The following RBFOX1 variants were observed in gnomAD, a reference collection of about 807,000 sequenced individuals.
The protein encoded by RBFOX1 is RNA binding protein fox-1 homolog 1.
In RBFOX1, 8 loss-of-function variants were observed where a neutral mutation model predicts 57.7. That is an observed-to-expected ratio of 0.14 (90% CI 0.08 to 0.25). The LOEUF (loss-of-function observed/expected upper bound fraction) is 0.25. Among genes scored for constraint, RBFOX1 ranks in the 10% least tolerant of loss-of-function variants. RBFOX1 has a pLI of 1.00. For missense variants in RBFOX1, 611 were observed against 548.5 expected, an observed-to-expected ratio of 1.11 and a Z score of -1.14; for synonymous variants, 326 against 222.4, an observed-to-expected ratio of 1.47 and a Z score of -4.15.
intron 2 of RBFOX1, among the ~76,000 whole-genome samples, chr16:6,431,535 C>T (rs1037670782): frequency 3.8e-4 from 57 of 151,944 alleles, no homozygotes; most frequent in African/African-American, 1.3e-3. Flanking sequence ...GAGAAATCTA[C>T]AAGCAGATAA....
chr16:5,785,622 G>T (rs1466162915), intron 3 of RBFOX1, among the ~76,000 whole-genome samples: 2 of 151,944 alleles, frequency 1.3e-5, no homozygotes, highest in African/African-American at 4.8e-5. Flanking sequence ...CTGCCTCCTG[G>T]GTTCAAGTGA....
intron 4 of RBFOX1, among the ~76,000 whole-genome samples, chr16:7,457,876 C>T (rs185091253): frequency 3.9e-5 from 6 of 152,216 alleles, no homozygotes; most frequent in Admixed American, 3.9e-4. Flanking sequence ...TCATCACCCC[C>T]TCCCCAATAC....
chr16:7,018,267 C>G (rs540267617), intron 3 of RBFOX1, among the ~76,000 whole-genome samples: 4 of 152,112 alleles, frequency 2.6e-5, no homozygotes, highest in Admixed American at 2.0e-4. Flanking sequence ...CCAGCTTCTC[C>G]TTATGCAAGG....
chr16:5,348,711 G>T (rs2065196832), intron 1 of RBFOX1, among the ~76,000 whole-genome samples: 2 of 152,120 alleles, frequency 1.3e-5, no homozygotes, highest in African/African-American at 4.8e-5. Context: ...TCTGAATGTT[G>T]GTTAATAATG....
intron 3 of RBFOX1, among the ~76,000 whole-genome samples, chr16:6,872,263 C>T (rs1462255820): frequency 6.6e-6 from 1 of 152,148 alleles, no homozygotes; most frequent in Non-Finnish European, 1.5e-5. Context: ...ATGAATAAAA[C>T]ACATCTATCC....
At chr16:6,695,585 T>C (rs988610707) in intron 3 of RBFOX1, among the ~76,000 whole-genome samples, 1 of 151,796 alleles carries the variant, frequency 6.6e-6, no homozygotes, top group South Asian at 2.1e-4. Flanking sequence ...AGATATAGAA[T>C]GATGAGCACT....
intron 2 of RBFOX1, among the ~76,000 whole-genome samples, chr16:6,344,398 C>CTTTTTATTCTT (rs2085011614): frequency 1.4e-5 from 1 of 71,960 alleles, no homozygotes; most frequent in African/African-American, 1.1e-4. Context: ...CTTCTTTTTT[C>CTTTTTATTCTT]TTTTTTTTCT....
chr16:6,110,031 A>G (rs1020282509), intron 1 of RBFOX1, among the ~76,000 whole-genome samples: 1 of 152,130 alleles, frequency 6.6e-6, no homozygotes, highest in Non-Finnish European at 1.5e-5. Context: ...AATACCACAC[A>G]TGGAATAAAT....
intron 1 of RBFOX1, among the ~76,000 whole-genome samples, chr16:5,281,609 A>T (rs1186824232): frequency 6.6e-6 from 1 of 152,050 alleles, no homozygotes; most frequent in Admixed American, 6.5e-5. Flanking sequence ...GTATGCTCTT[A>T]TGTTGGTTGC....
intron 3 of RBFOX1, among the ~76,000 whole-genome samples, chr16:5,792,021 G>A (rs2054718340): frequency 6.6e-6 from 1 of 152,116 alleles, no homozygotes; most frequent in Non-Finnish European, 1.5e-5. Context: ...GCTCTCCCCC[G>A]CAACCCAGGC....
chr16:7,352,344 C>G (rs75166482), intron 4 of RBFOX1, among the ~76,000 whole-genome samples: 5,144 of 152,218 alleles, frequency 0.034, 203 homozygotes, highest in African/African-American at 0.091. Flanking sequence ...ATGACCAAGT[C>G]GGAGAGAACT....
At chr16:5,617,924 G>T in intron 3 of RBFOX1, among the ~76,000 whole-genome samples, 1 of 152,178 alleles carries the variant, frequency 6.6e-6, no homozygotes, top group Non-Finnish European at 1.5e-5. Flanking sequence ...TACTAGGAGG[G>T]TATTGTTCAA....
chr16:5,330,283 T>C (rs531135795), intron 1 of RBFOX1, among the ~76,000 whole-genome samples: 1 of 152,200 alleles, frequency 6.6e-6, no homozygotes, highest in African/African-American at 2.4e-5. Context: ...CTCCTTCTTT[T>C]AACTGCTATG....
chr16:6,791,685 G>A (rs1158484314), intron 3 of RBFOX1, among the ~76,000 whole-genome samples: 2 of 152,094 alleles, frequency 1.3e-5, no homozygotes, highest in Non-Finnish European at 1.5e-5. Context: ...CTTGAACCTG[G>A]GAGGCAGAGG....
At chr16:5,424,162 T>C (rs1464087070) in intron 1 of RBFOX1, among the ~76,000 whole-genome samples, 3 of 152,160 alleles carry the variant, frequency 2.0e-5, no homozygotes, top group Non-Finnish European at 4.4e-5. Context: ...AGCTGGAGAG[T>C]GTGCACTCTC....
At chr16:6,229,377 A>T (rs559381994) in intron 1 of RBFOX1, among the ~76,000 whole-genome samples, 1 of 152,192 alleles carries the variant, frequency 6.6e-6, no homozygotes, top group Admixed American at 6.5e-5. Context: ...TAGGCTCACA[A>T]GGACTCTTGT....
At chr16:5,779,506 G>A (rs1021192884) in intron 3 of RBFOX1, among the ~76,000 whole-genome samples, 5 of 152,138 alleles carry the variant, frequency 3.3e-5, no homozygotes, top group Admixed American at 3.3e-4. Context: ...TGGGGCCCAA[G>A]CTCTGTTTTA....
At chr16:5,488,516 T>C (rs1459563664) in intron 2 of RBFOX1, among the ~76,000 whole-genome samples, 10 of 145,404 alleles carry the variant, frequency 6.9e-5, no homozygotes, top group East Asian at 4.2e-4. Flanking sequence ...ATGATGGTGA[T>C]GATTGAAGAT....
intron 4 of RBFOX1, among the ~76,000 whole-genome samples, chr16:7,146,730 C>G (rs114727767): frequency 6.6e-6 from 1 of 151,810 alleles, no homozygotes; most frequent in Non-Finnish European, 1.5e-5. Context: ...AGACAGATCA[C>G]TTGAGCCCAG....
Sources: gnomAD v4.1 joint callset for allele counts (sites outside exome capture counted in the v4.1 genomes callset) on GRCh38, gnomAD v4.1.1 for gene constraint, MANE v1.5 for transcripts, NCBI Gene and HGNC (gene_info 2026-07-23, HGNC 2026-07-21) for gene names.